BMP2: variants seen among roughly 807,000 people sequenced by gnomAD.
BMP2 encodes the protein bone morphogenetic protein 2A.
A neutral mutation model predicts 28.8 loss-of-function variants in BMP2; 2 were observed. The observed-to-expected ratio is 0.07, with a 90% CI of 0.03 to 0.22. The LOEUF is 0.22. Ranked by LOEUF, BMP2 falls within the 10% of genes least tolerant of loss-of-function variation. The pLI is 1.00. For synonymous variants in BMP2, 218 were observed against 204.3 expected (o/e 1.07, Z -0.57); for missense variants, 437 against 517.7 (o/e 0.84, Z 1.51).
At chr20:6,775,313 G>A (rs899718958) in intron 2 of BMP2, among the ~76,000 whole-genome samples, 11 of 152,130 alleles carry the variant, frequency 7.2e-5, no homozygotes, top group Non-Finnish European at 1.5e-4. Flanking sequence ...GAAAATGAGC[G>A]TATATTCCCT....
At chr20:6,772,036 C>A (rs977274204) in intron 2 of BMP2, among the ~76,000 whole-genome samples, 4 of 152,092 alleles carry the variant, frequency 2.6e-5, no homozygotes, top group African/African-American at 9.7e-5. Context: ...AAGCTCTCAA[C>A]TTTATTTTTA....
At chr20:6,770,081 G>A in intron 1 of BMP2, 39 bp from the exon 2 acceptor site, 1 of 1,492,412 alleles carries the variant, frequency 6.7e-7, no homozygotes, top group South Asian at 1.3e-5. Flanking sequence ...GGAGGACTGG[G>A]CGGGGAACTC....
At chr20:6,777,745 A>C (rs560284311) in intron 2 of BMP2, among the ~76,000 whole-genome samples, 1 of 152,344 alleles carries the variant, frequency 6.6e-6, no homozygotes, top group African/African-American at 2.4e-5. Context: ...CTGTATATCG[A>C]GATTTGTAAA....
rs527355069 is a variant in BMP2 at position 6,778,434 on chromosome 20, C to T, written c.536C>T (p.Pro179Leu). Residue 179 changes from proline (P) to leucine (L), a missense_variant, in exon 3 of 3, where the codon CCT (proline) becomes CTT (leucine). Coordinates refer to ENST00000378827, the MANE Select transcript of BMP2 (RefSeq NM_001200.4). The surrounding 1 kb of genome is among the most constrained non-coding windows in gnomAD (Gnocchi z 5.0). ...HRINIYEIIK[P>L]ATANSKFPVT... ...ATTAATATTTATGAAATCATAAAAC[C>T]TGCAACAGCCAACTCGAAATTCCCC... The T allele has an allele frequency of 6.2e-7, 1 of 1,614,162 alleles. No homozygotes were observed. The highest frequency in any genetic ancestry group is 1.7e-5 in the Admixed American group (1 of 60,026).
rs1464089437 is a variant in BMP2, at chr20:6,779,107, C to T, written c.*18C>T. 4 of 1,193,826 alleles carry T rather than the reference C, an allele frequency of 3.4e-6. No individual in the cohort carries two copies. The highest frequency in any genetic ancestry group is 4.4e-6 in the Non-Finnish European group (4 of 913,992). The allele number at this position is 1,193,826 out of a possible 1,614,324, so 74.0% of individuals were successfully genotyped here. The stretch of plus-strand genomic sequence containing the variant: ...GTCGCTAGTACAGCAAAATTAAATA[C>T]ATAAATATATATATATATATATATT... On this transcript the variant is annotated 3_prime_UTR_variant, in exon 3 of 3. Coordinates refer to ENST00000378827, the MANE Select transcript of BMP2 (RefSeq NM_001200.4).
Position 6,767,880 on chromosome 20 carries a change from C to G in BMP2, c.-1003C>G, listed in dbSNP as rs1465127636. 2.8e-6 allele frequency: 1 copy of G among 362,628 alleles called. No homozygotes were observed. Among genetic ancestry groups the G allele is most frequent in the Non-Finnish European group, 4.9e-6 (1 of 203,460 alleles). 22.5% of individuals were successfully genotyped at this position (362,628 alleles called of 1,614,324 possible). On this transcript the variant is annotated 5_prime_UTR_variant, in exon 1 of 3. Coordinates refer to ENST00000378827, the MANE Select transcript of BMP2 (RefSeq NM_001200.4). ...GAGTGGATCACCGGGGACCGCGAGGCACCCGCGCGCCGCAGACCCCGCGCG... is the reference window on the plus strand; with the variant it reads ...GAGTGGATCACCGGGGACCGCGAGGGACCCGCGCGCCGCAGACCCCGCGCG...
chr20:6,779,111 A>AAT lies in BMP2; in HGVS notation c.*41_*42dup, dbSNP rs71646302. On this transcript the variant is annotated 3_prime_UTR_variant, in exon 3 of 3. Transcript: ENST00000378827. The stretch of plus-strand genomic sequence containing the variant: ...CTAGTACAGCAAAATTAAATACATA[A>AAT]ATATATATATATATATATATTTTAG... 25,996 of 975,360 alleles carry AAT rather than the reference A, an allele frequency of 0.027. 17 individuals are homozygous for AAT. Among genetic ancestry groups the AAT allele is most frequent in the Non-Finnish European group, 0.03 (22,501 of 750,986 alleles). The allele number at this position is 975,360 out of a possible 1,614,324, so 60.4% of individuals were successfully genotyped here.
rs140884062 is a variant in BMP2 at position 6,778,562 on chromosome 20, G to A, written c.664G>A (p.Ala222Thr). The change falls in exon 3 of 3, where the codon GCC becomes ACC. Residue 222 changes from alanine to threonine, a missense_variant. Ala to Thr is a moderately conservative substitution (Grantham distance 58). Transcript: ENST00000378827. The surrounding 1 kb of genome is among the most constrained non-coding windows in gnomAD (Gnocchi z 5.0). ...AVMRWTAQGH[A>T]NHGFVVEVAH... is the part of the protein sequence containing the mutation. ...GATGCGGTGGACTGCACAGGGACAC[G>A]CCAACCATGGATTCGTGGTGGAAGT... The A allele has an allele frequency of 1.9e-4, 305 of 1,613,978 alleles. 1 individual carries two copies. Among genetic ancestry groups the A allele is most frequent in the Non-Finnish European group, 2.4e-4 (289 of 1,180,014 alleles).
intron 2 of BMP2, among the ~76,000 whole-genome samples, chr20:6,777,574 C>G (rs529152199): frequency 6.6e-6 from 1 of 152,206 alleles, no homozygotes; most frequent in African/African-American, 2.4e-5. Context: ...ATTGTTTGGC[C>G]TTAATTACTA....
Position 6,778,959 on chromosome 20 carries a change from C to T in BMP2, c.1061C>T (p.Ser354Phe). The T allele has an allele frequency of 6.2e-7, 1 of 1,613,958 alleles. No homozygotes were observed. The highest frequency in any genetic ancestry group is 1.7e-5 in the Admixed American group (1 of 59,998). The change falls in exon 3 of 3, where the codon TCT becomes TTT. Residue 354 changes from serine (S) to phenylalanine (F), a missense_variant. Ser to Phe is a radical substitution (Grantham distance 155). Coordinates refer to ENST00000378827, the MANE Select transcript of BMP2 (RefSeq NM_001200.4). This position sits in a 1 kb window ranked among gnomAD's most constrained non-coding sequence, Gnocchi z 5.0. ...CAGACGTTGGTCAACTCTGTTAACTCTAAGATTCCTAAGGCATGCTGTGTC... is the reference window on the plus strand; with the variant it reads ...CAGACGTTGGTCAACTCTGTTAACTTTAAGATTCCTAAGGCATGCTGTGTC... Reference protein sequence around the residue: ...IVQTLVNSVNSKIPKACCVPT... With the variant: ...IVQTLVNSVNFKIPKACCVPT...
chr20:6,771,586 G>A (rs1277097693), intron 2 of BMP2, among the ~76,000 whole-genome samples: 2 of 152,184 alleles, frequency 1.3e-5, no homozygotes, highest in Non-Finnish European at 2.9e-5. Flanking sequence ...GGCACTTCCA[G>A]ATGTTTTCTC....
At chr20:6,770,758 G>A (rs1012815210) in intron 2 of BMP2, among the ~76,000 whole-genome samples, 6 of 152,188 alleles carry the variant, frequency 3.9e-5, no homozygotes, top group African/African-American at 1.4e-4. Flanking sequence ...GGGAAGATGA[G>A]GGCAAAAGGC....
At chr20:6,771,188 G>A (rs961909179) in intron 2 of BMP2, among the ~76,000 whole-genome samples, 5 of 128,570 alleles carry the variant, frequency 3.9e-5, no homozygotes, top group African/African-American at 1.4e-4. Context: ...ACCGAAATGT[G>A]GATTTTTTTT....
chr20:6,777,805 A>C (rs1222071422), intron 2 of BMP2, among the ~76,000 whole-genome samples: 1 of 152,224 alleles, frequency 6.6e-6, no homozygotes, highest in Non-Finnish European at 1.5e-5. Context: ...AGGGATTGGC[A>C]TTAAAGCCTT....
At chr20:6,770,025 A>G in intron 1 of BMP2, 95 bp from the exon 2 acceptor site, 7 of 1,285,492 alleles carry the variant, frequency 5.4e-6, no homozygotes, top group Non-Finnish European at 7.4e-6. Flanking sequence ...ATCCTGGAGG[A>G]GGCACGCCAG....
rs1477473527 is a variant in BMP2, at chr20:6,768,401, T to TCGACCCC, written c.-478_-472dup. 3 of 393,480 alleles carry TCGACCCC rather than the reference T, an allele frequency of 7.6e-6. No homozygotes were observed. The highest frequency in any genetic ancestry group is 6.2e-5 in the African/African-American group (3 of 48,082). 24.4% of individuals were successfully genotyped at this position (393,480 alleles called of 1,614,324 possible). On this transcript the variant is annotated 5_prime_UTR_variant, in exon 1 of 3. An upstream open reading frame in the 5' UTR gains an earlier in-frame stop. Coordinates refer to ENST00000378827, the MANE Select transcript of BMP2 (RefSeq NM_001200.4). ...GGAGCTAGCGCGGAGCGCCCGACCC[T>TCGACCCC]CGACCCCCGAGTCCCGGAGCCGGCC... is the stretch of plus-strand genomic sequence containing the variant.
intron 2 of BMP2, among the ~76,000 whole-genome samples, chr20:6,775,230 T>G (rs1179633620): frequency 6.6e-6 from 1 of 152,222 alleles, no homozygotes; most frequent in Non-Finnish European, 1.5e-5. Context: ...TTTATTTAAT[T>G]TACTTTATTT....
rs1315722559 is a variant in BMP2, at chr20:6,768,282, G to C, written c.-601G>C. 2.0e-5 allele frequency: 8 copies of C among 397,616 alleles called. No individual in the cohort carries two copies. The highest frequency in any genetic ancestry group is 1.8e-4 in the East Asian group (5 of 28,008). 24.6% of individuals were successfully genotyped at this position (397,616 alleles called of 1,614,324 possible). A position where few individuals can be genotyped will look rare whatever the true frequency, so the allele number is the denominator to read the frequency against. On this transcript the variant is annotated 5_prime_UTR_variant, in exon 1 of 3. Coordinates refer to ENST00000378827, the MANE Select transcript of BMP2 (RefSeq NM_001200.4). ...GCACTGGAGTAAGGCAGAGTGATGC[G>C]GGGGGGCAACTCGCCTGGCACCGAG...
chr20:6,768,650 G>A lies in BMP2; in HGVS notation c.-233G>A, dbSNP rs1568547027. 4 of 396,116 alleles carry A rather than the reference G, an allele frequency of 1.0e-5. No homozygotes were observed. Among genetic ancestry groups the A allele is most frequent in the Non-Finnish European group, 8.9e-6 (2 of 224,880 alleles). The allele number at this position is 396,116 out of a possible 1,614,324, so 24.5% of individuals were successfully genotyped here. ...CAGCGGAGCCTGCTTCGCCATCTCC[G>A]AGCCCCACCGCCCCTCCACTCCTCG... On this transcript the variant is annotated 5_prime_UTR_variant, in exon 1 of 3. Coordinates refer to ENST00000378827, the MANE Select transcript of BMP2 (RefSeq NM_001200.4).
Sources: gnomAD v4.1 joint callset for allele counts (sites outside exome capture counted in the v4.1 genomes callset) on GRCh38, gnomAD v4.1.1 for gene constraint, Gnocchi (gnomAD v3.1) non-coding constraint, MANE v1.5 for transcripts, NCBI Gene and HGNC (gene_info 2026-07-23, HGNC 2026-07-21) for gene names.